CSMD1: variants seen among roughly 807,000 people sequenced by gnomAD.
CSMD1 encodes CUB and sushi domain-containing protein 1.
Under a neutral mutation model 417.5 loss-of-function variants are expected in CSMD1, and 213 were observed. The ratio of observed to expected loss-of-function variants is 0.51; its 90% CI spans 0.46 to 0.57. The LOEUF (loss-of-function observed/expected upper bound fraction) is 0.57, where lower values mean the gene tolerates loss of function less well. Among genes scored for constraint, CSMD1 ranks in the 20% least tolerant of loss-of-function variants. The pLI, the probability that CSMD1 is intolerant of heterozygous loss-of-function variation, is 0.00. For synonymous variants in CSMD1, 2,862 were observed against 1,736.8 expected, an observed-to-expected ratio of 1.65 and a Z score of -16.11; for missense variants, 6,923 against 4,529.7, an observed-to-expected ratio of 1.53 and a Z score of -15.17.
intron 2 of CSMD1, among the ~76,000 whole-genome samples, chr8:4,544,959 G>A (rs978548978): frequency 6.6e-6 from 1 of 152,152 alleles, no homozygotes; most frequent in Non-Finnish European, 1.5e-5. Context: ...AACATAATAT[G>A]TCACTTGTTG....
At chr8:3,612,707 A>C (rs900504301) in intron 8 of CSMD1, among the ~76,000 whole-genome samples, 5 of 152,128 alleles carry the variant, frequency 3.3e-5, no homozygotes, top group Non-Finnish European at 7.4e-5. Flanking sequence ...ACAAGGGAAA[A>C]TAGAATGTAA....
At chr8:4,612,455 G>A (rs1801232909) in intron 2 of CSMD1, among the ~76,000 whole-genome samples, 1 of 152,170 alleles carries the variant, frequency 6.6e-6, no homozygotes, top group Non-Finnish European at 1.5e-5. Flanking sequence ...ACCTACCTGT[G>A]TCCTTCTCAA....
chr8:4,444,925 C>T (rs1412267456), intron 2 of CSMD1, among the ~76,000 whole-genome samples: 1 of 152,162 alleles, frequency 6.6e-6, no homozygotes, highest in African/African-American at 2.4e-5. Flanking sequence ...TATTTGCTCC[C>T]TTCTTCATTT....
chr8:3,494,402 C>A (rs915988757), intron 10 of CSMD1, among the ~76,000 whole-genome samples: 2 of 151,618 alleles, frequency 1.3e-5, no homozygotes, highest in African/African-American at 4.9e-5. Context: ...CCTTTGGTGG[C>A]CAATACTATG....
At chr8:4,257,983 A>T (rs928681981) in intron 3 of CSMD1, among the ~76,000 whole-genome samples, 2 of 152,178 alleles carry the variant, frequency 1.3e-5, no homozygotes, top group African/African-American at 4.8e-5. Flanking sequence ...CCATAAAAGA[A>T]TATCATAGAA....
At chr8:3,709,103 A>G (rs915393922) in intron 6 of CSMD1, among the ~76,000 whole-genome samples, 1 of 151,554 alleles carries the variant, frequency 6.6e-6, no homozygotes, top group East Asian at 1.9e-4. Context: ...TGAGAGTTAA[A>G]TATGTTTCTT....
chr8:3,602,628 T>C (rs1294034181), intron 8 of CSMD1, among the ~76,000 whole-genome samples: 3 of 151,972 alleles, frequency 2.0e-5, no homozygotes, highest in South Asian at 2.1e-4. Context: ...GGCAAACACA[T>C]GGCTAAGAGT....
intron 1 of CSMD1, among the ~76,000 whole-genome samples, chr8:4,764,738 T>C (rs1348273627): frequency 1.3e-5 from 2 of 150,056 alleles, no homozygotes; most frequent in African/African-American, 2.4e-5. Context: ...CCGGGTGTTG[T>C]GGCGGCTGCC....
intron 1 of CSMD1, among the ~76,000 whole-genome samples, chr8:4,651,789 T>A (rs955533455): frequency 1.7e-4 from 26 of 152,346 alleles, no homozygotes; most frequent in African/African-American, 5.5e-4. Flanking sequence ...GCTGTGTGAT[T>A]ATTAGGGGTG....
intron 12 of CSMD1, among the ~76,000 whole-genome samples, chr8:3,449,736 T>G (rs1815567548): frequency 6.6e-6 from 1 of 152,138 alleles, no homozygotes; most frequent in South Asian, 2.1e-4. Flanking sequence ...CAGGCCTGTC[T>G]CAAACTCTTG....
intron 7 of CSMD1, among the ~76,000 whole-genome samples, chr8:3,694,316 A>C (rs759617834): frequency 1.4e-4 from 22 of 152,074 alleles, no homozygotes; most frequent in Non-Finnish European, 2.9e-4. Context: ...CCAGGAGCAC[A>C]GCAGCATGAC....
Position 3,663,683 on chromosome 8 carries a change from G to A in CSMD1, c.1009+44731C>T, listed in dbSNP as rs983349710. ...TTTGCCTCTTTTCTACCTATGAACT[G>A]GAAACCCCTTCTCTGCTTCCAGCCG... On this transcript the variant is annotated intron_variant, in intron 7 of 69. Transcript: ENST00000635120. 3.9e-5 allele frequency among the ~76,000 whole-genome samples: 6 copies of A among 152,080 alleles called. No homozygotes were observed. In the East Asian group the frequency reaches 1.2e-3, roughly 29 times the overall value.
At chr8:3,733,168 T>TACACACACACAC (rs75223191) in intron 6 of CSMD1, among the ~76,000 whole-genome samples, 1 of 140,450 alleles carries the variant, frequency 7.1e-6, no homozygotes, top group Non-Finnish European at 1.5e-5. Flanking sequence ...AGGCCATAAA[T>TACACACACACAC]ACACACACAC....
chr8:4,163,519 G>A (rs968111893), intron 3 of CSMD1, among the ~76,000 whole-genome samples: 6 of 152,080 alleles, frequency 3.9e-5, no homozygotes, highest in African/African-American at 1.4e-4. Flanking sequence ...ATTGTTTTGT[G>A]AAATATTTAA....
chr8:3,266,100 T>A (rs1179631487), intron 26 of CSMD1, among the ~76,000 whole-genome samples: 1 of 151,148 alleles, frequency 6.6e-6, no homozygotes, highest in Non-Finnish European at 1.5e-5. Context: ...GGGGAAAAAT[T>A]AATTTGCAAA....
intron 8 of CSMD1, among the ~76,000 whole-genome samples, chr8:3,615,230 T>C (rs546086163): frequency 2.0e-5 from 3 of 152,124 alleles, no homozygotes; most frequent in Non-Finnish European, 4.4e-5. Flanking sequence ...AAGCCATTTA[T>C]TGACAGACAG....
At chr8:2,966,913 T>C (rs1490519780) in intron 57 of CSMD1, among the ~76,000 whole-genome samples, 167 bp from the exon 58 acceptor site, 2 of 152,226 alleles carry the variant, frequency 1.3e-5, no homozygotes, top group Non-Finnish European at 2.9e-5. Context: ...ATGGCTCATA[T>C]GTTTATTTTA....
intron 17 of CSMD1, among the ~76,000 whole-genome samples, chr8:3,389,113 T>C (rs1301696645): frequency 6.6e-6 from 1 of 152,182 alleles, no homozygotes; most frequent in African/African-American, 2.4e-5. Context: ...TTGTTGTTGT[T>C]GTTTGTTTAC....
chr8:3,422,664 A>G (rs1813568376), intron 12 of CSMD1, among the ~76,000 whole-genome samples: 1 of 152,178 alleles, frequency 6.6e-6, no homozygotes, highest in South Asian at 2.1e-4. Context: ...TCTATTTTCG[A>G]TGCATTTTTC....
Sources: gnomAD v4.1 joint callset for allele counts (sites outside exome capture counted in the v4.1 genomes callset) on GRCh38, gnomAD v4.1.1 for gene constraint, MANE v1.5 for transcripts, NCBI Gene and HGNC (gene_info 2026-07-23, HGNC 2026-07-21) for gene names.